The following CCDC6 variants were observed in gnomAD, a reference collection of about 807,000 sequenced individuals.
CCDC6 encodes coiled-coil domain containing 6, also known as coiled-coil domain-containing protein 6.
CCDC6 carries 20 observed loss-of-function variants against 56.6 expected under a neutral mutation model. The ratio of observed to expected loss-of-function variants is 0.35; its 90% CI spans 0.25 to 0.51. The LOEUF is 0.51. Ranked by LOEUF, CCDC6 falls within the 20% of genes least tolerant of loss-of-function variation. The probability of loss-of-function intolerance (pLI) is 0.95; values close to 1 mark genes in which losing one functional copy is unlikely to be tolerated. For missense variants in CCDC6, 367 were observed against 601.1 expected, an observed-to-expected ratio of 0.61 and a Z score of 4.07; for synonymous variants, 241 against 234.4, an observed-to-expected ratio of 1.03 and a Z score of -0.26.
rs1391216908 is a variant in CCDC6 at position 59,862,550 on chromosome 10, C to CATAT, written c.304-9849_304-9848insATAT. Among the ~76,000 whole-genome samples, 52 of 81,082 alleles carry CATAT rather than the reference C, an allele frequency of 6.4e-4. 1 individual carries two copies. The highest frequency in any genetic ancestry group is 8.4e-4 in the Non-Finnish European group (34 of 40,268). 53.2% of individuals were successfully genotyped at this position (81,082 alleles called of 152,430 possible). On this transcript the variant is annotated intron_variant, in intron 1 of 8. Coordinates refer to ENST00000263102, the MANE Select transcript of CCDC6 (RefSeq NM_005436.5). ...ACACACACACACACACACACACACACACACACATATATATACACATACACA... is the reference window on the plus strand; with the variant it reads ...ACACACACACACACACACACACACACATATACACACATATATATACACATACACA...
chr10:59,806,871 C>A lies in CCDC6; in HGVS notation c.1004+51G>T, dbSNP rs756978914. 5 of 1,575,336 alleles carry A rather than the reference C, an allele frequency of 3.2e-6. No homozygotes were observed. In the East Asian group the frequency reaches 1.1e-4, roughly 35 times the overall value. On this transcript the variant is annotated intron_variant, in intron 6 of 8. Coordinates refer to ENST00000263102, the MANE Select transcript of CCDC6 (RefSeq NM_005436.5). ...GATACCAAAGAAAACCTCTGTAGAACCTGGGTTTTATTTTTTAAACAAAAA... is the reference window on the plus strand; with the variant it reads ...GATACCAAAGAAAACCTCTGTAGAAACTGGGTTTTATTTTTTAAACAAAAA...
intron 3 of CCDC6, among the ~76,000 whole-genome samples, chr10:59,816,312 CGACACAGCTCTAG>C (rs1430325394): frequency 1.3e-5 from 2 of 152,170 alleles, no homozygotes; most frequent in Non-Finnish European, 2.9e-5. Context: ...TCTCCTGTGA[CGACACAGCTCTAG>C]GCTTTTCTTT....
At chr10:59,811,943 A>G (rs2070675657) in intron 5 of CCDC6, among the ~76,000 whole-genome samples, 2 of 152,092 alleles carry the variant, frequency 1.3e-5, no homozygotes, top group Admixed American at 1.3e-4. Flanking sequence ...GGAAGAATAT[A>G]GTACAAATGT....
intron 1 of CCDC6, among the ~76,000 whole-genome samples, chr10:59,888,768 C>T (rs2071401005): frequency 6.6e-6 from 1 of 152,166 alleles, no homozygotes; most frequent in Non-Finnish European, 1.5e-5. Flanking sequence ...CATTTTAAGA[C>T]TATGTGTCAA....
chr10:59,901,545 A>T (rs1452648127), intron 1 of CCDC6, among the ~76,000 whole-genome samples: 2 of 152,200 alleles, frequency 1.3e-5, no homozygotes, highest in Non-Finnish European at 2.9e-5. Context: ...AACACCTTGT[A>T]CTTCTGTATT....
At chr10:59,801,782 T>C (rs4948365) in intron 7 of CCDC6, among the ~76,000 whole-genome samples, 71,724 of 151,934 alleles carry the variant, frequency 0.47, 17,766 homozygotes, top group African/African-American at 0.63. Context: ...TGTTATAATA[T>C]AGTAATTAAT....
In CCDC6 at chr10:59,794,690, T is replaced by A. The variant is rs977181125; in HGVS notation, c.1106-93A>T. Reference sequence around the variant, plus strand: ...GGTTTTAAATCGCAGTAGTTCTCTATCACCCACAAAAATACAAACAGATGA... The same window carrying A: ...GGTTTTAAATCGCAGTAGTTCTCTAACACCCACAAAAATACAAACAGATGA... On this transcript the variant is annotated intron_variant, in intron 7 of 8. Coordinates refer to ENST00000263102, the MANE Select transcript of CCDC6 (RefSeq NM_005436.5). The A allele has an allele frequency of 2.0e-5, 21 of 1,043,276 alleles. No homozygotes were observed. In the South Asian group the frequency reaches 2.8e-4, roughly 14 times the overall value. The allele number at this position is 1,043,276 out of a possible 1,614,324, so 64.6% of individuals were successfully genotyped here.
intron 1 of CCDC6, among the ~76,000 whole-genome samples, chr10:59,882,726 C>A (rs896036085): frequency 6.7e-6 from 1 of 149,538 alleles, no homozygotes; most frequent in African/African-American, 2.4e-5. Context: ...TTTGGGAGGC[C>A]GAGGCAGGCG....
intron 1 of CCDC6, among the ~76,000 whole-genome samples, chr10:59,881,350 C>T (rs1206675522): frequency 1.3e-5 from 2 of 151,766 alleles, no homozygotes; most frequent in East Asian, 3.9e-4. Flanking sequence ...ATGAACATCC[C>T]GGCAGCACAT....
At chr10:59,798,377 T>C (rs1024582595) in intron 7 of CCDC6, among the ~76,000 whole-genome samples, 6 of 152,270 alleles carry the variant, frequency 3.9e-5, no homozygotes, top group Non-Finnish European at 1.5e-5. Context: ...TTAGTTGTGC[T>C]ATTATCGCAG....
intron 1 of CCDC6, among the ~76,000 whole-genome samples, chr10:59,890,213 G>A (rs10994063): frequency 0.018 from 2,785 of 152,228 alleles, 58 homozygotes; most frequent in African/African-American, 0.049. Flanking sequence ...AAGGGGTTTC[G>A]TAACATGTGG....
At chr10:59,853,693 G>A (rs1375772548) in intron 1 of CCDC6, among the ~76,000 whole-genome samples, 1 of 152,062 alleles carries the variant, frequency 6.6e-6, no homozygotes, top group Non-Finnish European at 1.5e-5. Context: ...GGTAAAGGTG[G>A]GTGAGAGGGG....
At chr10:59,860,957 G>A (rs1196601601) in intron 1 of CCDC6, among the ~76,000 whole-genome samples, 1 of 152,110 alleles carries the variant, frequency 6.6e-6, no homozygotes, top group Non-Finnish European at 1.5e-5. Flanking sequence ...CACTTTGGGA[G>A]GGCAAGTTGG....
intron 1 of CCDC6, among the ~76,000 whole-genome samples, chr10:59,901,819 C>A (rs1206707395): frequency 2.0e-5 from 3 of 152,144 alleles, no homozygotes; most frequent in Non-Finnish European, 4.4e-5. Flanking sequence ...CCCACAATAA[C>A]CCTCACTACA....
At chr10:59,798,292 A>G (rs1462967747) in intron 7 of CCDC6, among the ~76,000 whole-genome samples, 1 of 152,252 alleles carries the variant, frequency 6.6e-6, no homozygotes, top group Non-Finnish European at 1.5e-5. Context: ...TTACGTAAAA[A>G]CAAGAAGCTG....
At chr10:59,862,446 C>T (rs1288351152) in intron 1 of CCDC6, among the ~76,000 whole-genome samples, 1 of 149,978 alleles carries the variant, frequency 6.7e-6, no homozygotes, top group Non-Finnish European at 1.5e-5. Context: ...TGAGATCATG[C>T]CCCTGCACTC....
In CCDC6 at chr10:59,872,894, C is replaced by A. The variant is rs71495613; in HGVS notation, c.304-20192G>T. Among the ~76,000 whole-genome samples the A allele has an allele frequency of 2.9e-3, 442 of 152,132 alleles. 2 individuals carry two copies. The highest frequency in any genetic ancestry group is 3.4e-3 in the Middle Eastern group (1 of 292). On this transcript the variant is annotated intron_variant, in intron 1 of 8. Coordinates refer to ENST00000263102, the MANE Select transcript of CCDC6 (RefSeq NM_005436.5). ...ATTAGGAATTAAGGTGAAAATCTAG[C>A]ACAGGTCCTCGATCCTTTAAACACA... is the stretch of plus-strand genomic sequence containing the variant.
At chr10:59,887,219 C>A (rs1482611137) in intron 1 of CCDC6, among the ~76,000 whole-genome samples, 2 of 152,064 alleles carry the variant, frequency 1.3e-5, no homozygotes, top group African/African-American at 4.8e-5. Flanking sequence ...AGCAAGTCAC[C>A]CAACCCTCTC....
intron 1 of CCDC6, among the ~76,000 whole-genome samples, chr10:59,855,579 C>G (rs796179008): frequency 8.6e-5 from 13 of 152,042 alleles, no homozygotes; most frequent in African/African-American, 3.1e-4. Flanking sequence ...AAAACAAACC[C>G]CAAAAAGAAA....
Sources: allele counts gnomAD v4.1 joint callset (sites outside exome capture counted in the v4.1 genomes callset), GRCh38; gene constraint gnomAD v4.1.1; transcripts MANE v1.5; gene names NCBI Gene and HGNC (gene_info 2026-07-23, HGNC 2026-07-21).